The following MEIS3 variants were observed in gnomAD, a reference collection of about 807,000 sequenced individuals.
The protein encoded by MEIS3 is homeobox protein Meis3.
Under a neutral mutation model 51.4 loss-of-function variants are expected in MEIS3, and 38 were observed. That is an observed-to-expected ratio of 0.74 (90% CI 0.57 to 0.97). The LOEUF is 0.97. Ranked by LOEUF, MEIS3 falls within the 50% of genes least tolerant of loss-of-function variation. The pLI, the probability that MEIS3 is intolerant of heterozygous loss-of-function variation, is 0.00. For synonymous variants in MEIS3, 198 were observed against 201.8 expected (o/e 0.98, Z 0.16); for missense variants, 456 against 502.6 (o/e 0.91, Z 0.89).
chr19:47,419,111 C>T lies in MEIS3; in HGVS notation c.-30G>A. ...TGAGGCCGGCGGCAGCTCCTGGGTC[C>T]CTCCAGAGCCTGGCCGCGGGGGAGG... On this transcript the variant is annotated 5_prime_UTR_variant, in exon 1 of 13. Transcript: ENST00000558555. 2 of 1,232,060 alleles carry T rather than the reference C, an allele frequency of 1.6e-6. No individual in the cohort carries two copies. The highest frequency in any genetic ancestry group is 2.0e-6 in the Non-Finnish European group (2 of 987,890). 76.3% of individuals were successfully genotyped at this position (1,232,060 alleles called of 1,614,324 possible). A position where few individuals can be genotyped will look rare whatever the true frequency, so the allele number is the denominator to read the frequency against.
At position 47,416,338 on chromosome 19, in the gene MEIS3, C is replaced by A. The variant is rs1971407584; in HGVS notation, c.396+314G>T. ...TGAATCGCATTCACTCATTAAACCC[C>A]CACAGCAGCCCTCCAAGACAGACAT... On this transcript the variant is annotated intron_variant, in intron 4 of 12. Coordinates refer to ENST00000558555, the MANE Select transcript of MEIS3 (RefSeq NM_001301059.2). 8.8e-6 allele frequency: 3 copies of A among 339,200 alleles called. No homozygotes were observed. The East Asian group carries it at 1.7e-4, about 20-fold the overall frequency. 21.0% of individuals were successfully genotyped at this position (339,200 alleles called of 1,614,324 possible).
intron 1 of MEIS3, chr19:47,418,815 G>A (rs1183743573): frequency 7.9e-6 from 3 of 380,374 alleles, no homozygotes; most frequent in African/African-American, 4.2e-5. Flanking sequence ...GCAGACAGAG[G>A]GGGACAGAGG....
At chr19:47,406,848 G>T in intron 11 of MEIS3, 40 bp downstream of exon 11, 1 of 1,518,502 alleles carries the variant, frequency 6.6e-7, no homozygotes. Flanking sequence ...GTGGGTCATG[G>T]TGCGCAGGGG....
In MEIS3 at chr19:47,406,981, G is replaced by T. The variant is rs1008627638; in HGVS notation, c.995-10C>A. ...AAGGCTGCACCCTGCCCTGCGAAGG[G>T]GGTTCAGAGGTGCAGGCTGAGCCCC... On this transcript the variant is annotated splice_polypyrimidine_tract_variant and intron_variant, in intron 10 of 12. Transcript: ENST00000558555. 6.4e-7 allele frequency: 1 copy of T among 1,574,044 alleles called. No individual in the cohort carries two copies. The highest frequency in any genetic ancestry group is 1.3e-5 in the African/African-American group (1 of 74,574).
chr19:47,417,521 C>G (rs1474025501), intron 1 of MEIS3, 171 bp from the exon 2 acceptor site: 5 of 792,430 alleles, frequency 6.3e-6, no homozygotes, highest in Non-Finnish European at 1.1e-5. Context: ...CTCCAGGTCC[C>G]CTGGAGCTGC....
chr19:47,406,803 G>T, intron 11 of MEIS3, 85 bp downstream of exon 11: 2 of 1,263,392 alleles, frequency 1.6e-6, no homozygotes, highest in Non-Finnish European at 2.2e-6. Flanking sequence ...TATTCCGCTT[G>T]AATTGAATCT....
chr19:47,410,658 C>T (rs1188214088), intron 6 of MEIS3, among the ~76,000 whole-genome samples: 1 of 151,630 alleles, frequency 6.6e-6, no homozygotes, highest in Non-Finnish European at 1.5e-5. Context: ...CCCAGCTACT[C>T]GGGAGGCTGA....
chr19:47,407,227 C>CG (rs1970876833), intron 9 of MEIS3, 90 bp from the exon 10 acceptor site: 2 of 1,495,886 alleles, frequency 1.3e-6, no homozygotes, highest in South Asian at 2.6e-5. Flanking sequence ...AGGACAGCGG[C>CG]GGGGGAGGCA....
chr19:47,421,083 G>A (rs185357167), upstream of MEIS3, among the ~76,000 whole-genome samples: 28 of 151,858 alleles, frequency 1.8e-4, 1 homozygote, highest in African/African-American at 4.8e-4. Flanking sequence ...TCACTGCGTC[G>A]CGGCTGCCTG....
intron 1 of MEIS3, chr19:47,417,594 G>C (rs1346309105): frequency 1.4e-6 from 1 of 704,120 alleles, no homozygotes; most frequent in Non-Finnish European, 2.6e-6. Flanking sequence ...GGAGGACCCA[G>C]AGGGAGAGAC....
chr19:47,415,126 G>C, intron 4 of MEIS3, 25 bp from the exon 5 acceptor site: 1 of 1,364,954 alleles, frequency 7.3e-7, no homozygotes, highest in South Asian at 1.2e-5. Flanking sequence ...GGGAGGTGGG[G>C]GGAGACAGAG....
At position 47,403,503 on chromosome 19, in the gene MEIS3, G is replaced by A. The variant is rs776231531; in HGVS notation, c.*68C>T. 9 of 456,012 alleles carry A rather than the reference G, an allele frequency of 2.0e-5. No homozygotes were observed. Among genetic ancestry groups the A allele is most frequent in the African/African-American group, 1.8e-4 (9 of 50,080 alleles). 28.2% of individuals were successfully genotyped at this position (456,012 alleles called of 1,614,324 possible). On this transcript the variant is annotated 3_prime_UTR_variant, in exon 13 of 13. Coordinates refer to ENST00000558555, the MANE Select transcript of MEIS3 (RefSeq NM_001301059.2). ...TGGGGTCCTGAAGCTGGAGGACCAG[G>A]CGGGAACCAGAGGCAGGTGTGAGGC...
rs956454700 is a variant in MEIS3, at chr19:47,419,268, A to G, written c.-187T>C. The stretch of plus-strand genomic sequence containing the variant: ...GCCGGGCCGGGTGGGGACTCCGCGC[A>G]TGGACCCCGGCCCCCGCCCCCAGCG... On this transcript the variant is annotated 5_prime_UTR_variant, in exon 1 of 13. It removes an upstream start codon present in the reference 5' UTR. Transcript: ENST00000558555. The G allele has an allele frequency of 1.0e-5, 3 of 291,434 alleles. No individual in the cohort carries two copies. The highest frequency in any genetic ancestry group is 1.9e-5 in the Non-Finnish European group (3 of 160,770). The allele number at this position is 291,434 out of a possible 1,614,324, so 18.1% of individuals were successfully genotyped here. A position where few individuals can be genotyped will look rare whatever the true frequency, so the allele number is the denominator to read the frequency against.
intron 1 of MEIS3, chr19:47,418,814 G>A: frequency 2.6e-6 from 1 of 380,992 alleles, no homozygotes; most frequent in Non-Finnish European, 4.6e-6. Flanking sequence ...GGCAGACAGA[G>A]GGGGACAGAG....
At chr19:47,414,939 C>T (rs1971329654) in intron 5 of MEIS3, 73 bp from the exon 6 acceptor site, 2 of 1,163,098 alleles carry the variant, frequency 1.7e-6, no homozygotes, top group Non-Finnish European at 2.5e-6. Flanking sequence ...ACGGGGGCGG[C>T]ATTCTGCTTC....
Position 47,414,955 on chromosome 19 carries a change from C to T in MEIS3, c.448-89G>A, listed in dbSNP as rs777357611. ...CGGGGGCGGCATTCTGCTTCAACTC[C>T]GGTGGGGAGAGAGCTGGAAGGTGGG... On this transcript the variant is annotated intron_variant, in intron 5 of 12. Coordinates refer to ENST00000558555, the MANE Select transcript of MEIS3 (RefSeq NM_001301059.2). The T allele has an allele frequency of 2.1e-5, 18 of 850,194 alleles. No homozygotes were observed. The highest frequency in any genetic ancestry group is 1.2e-4 in the South Asian group (6 of 48,074). 52.7% of individuals were successfully genotyped at this position (850,194 alleles called of 1,614,324 possible). A position where few individuals can be genotyped will look rare whatever the true frequency, so the allele number is the denominator to read the frequency against.
intron 1 of MEIS3, chr19:47,417,695 A>G (rs1971520081): frequency 2.8e-6 from 2 of 701,874 alleles, no homozygotes; most frequent in Non-Finnish European, 2.6e-6. Flanking sequence ...AGAGAGGGAG[A>G]TCCATGGACA....
upstream of MEIS3, among the ~76,000 whole-genome samples, chr19:47,420,613 G>A (rs1971673062): frequency 6.7e-6 from 1 of 149,822 alleles, no homozygotes; most frequent in Non-Finnish European, 1.5e-5. Flanking sequence ...GGAGGGAGTG[G>A]GGGACAGGAG....
At chr19:47,406,798 C>T (rs1226182938) in intron 11 of MEIS3, 90 bp downstream of exon 11, 4 of 1,230,142 alleles carry the variant, frequency 3.3e-6, no homozygotes, top group Non-Finnish European at 3.4e-6. Flanking sequence ...CACTGTATTC[C>T]GCTTGAATTG....
Sources: gnomAD v4.1 joint callset for allele counts (sites outside exome capture counted in the v4.1 genomes callset) on GRCh38, gnomAD v4.1.1 for gene constraint, MANE v1.5 for transcripts, NCBI Gene and HGNC (gene_info 2026-07-23, HGNC 2026-07-21) for gene names.